Variants in HNF4G observed in about 807,000 individuals in gnomAD.
HNF4G encodes hepatocyte nuclear factor 4-gamma.
HNF4G carries 21 observed loss-of-function variants against 50.9 expected under a neutral mutation model. The observed-to-expected ratio is 0.41, with a 90% CI of 0.29 to 0.59. HNF4G has a LOEUF of 0.59. Among genes scored for constraint, HNF4G ranks in the 20% least tolerant of loss-of-function variants. The probability of loss-of-function intolerance (pLI) is 0.26; values close to 1 mark genes in which losing one functional copy is unlikely to be tolerated. For synonymous variants in HNF4G, 198 were observed against 185.6 expected, an observed-to-expected ratio of 1.07 and a Z score of -0.54; for missense variants, 527 against 559.4, an observed-to-expected ratio of 0.94 and a Z score of 0.58.
In HNF4G at chr8:75,450,485, T is replaced by C. The variant is rs560162513; in HGVS notation, c.-143-39604T>C. 5.9e-5 allele frequency among the ~76,000 whole-genome samples: 9 copies of C among 152,340 alleles called. No individual in the cohort carries two copies. In the South Asian group the frequency reaches 8.3e-4, roughly 14 times the overall value. ...AGATTGCTGGATCATATGGTAGTTC[T>C]ATTTTTAATTTTTTGAGGAAACTCC... On this transcript the variant is annotated intron_variant, in intron 1 of 10. Transcript: ENST00000354370.
At chr8:75,412,195 T>A (rs964301394) in intron 1 of HNF4G, among the ~76,000 whole-genome samples, 1 of 152,236 alleles carries the variant, frequency 6.6e-6, no homozygotes, top group Non-Finnish European at 1.5e-5. Context: ...TCTAATTTCT[T>A]GGAGCTTTCA....
At chr8:75,436,405 T>G (rs1563505606) in intron 1 of HNF4G, among the ~76,000 whole-genome samples, 1 of 152,216 alleles carries the variant, frequency 6.6e-6, no homozygotes, top group African/African-American at 2.4e-5. Context: ...TTAAATCTAT[T>G]ATAATTATTA....
intron 2 of HNF4G, chr8:75,495,471 T>C (rs1192668427): frequency 1.3e-5 from 2 of 152,148 alleles, no homozygotes; most frequent in Non-Finnish European, 2.9e-5. Flanking sequence ...GCCTGAGCAT[T>C]CTGTCAACTT....
intron 1 of HNF4G, among the ~76,000 whole-genome samples, chr8:75,482,559 G>A (rs1451371879): frequency 6.6e-6 from 1 of 152,090 alleles, no homozygotes; most frequent in Admixed American, 6.6e-5. Flanking sequence ...ATAGAGATGG[G>A]GTTTCACCAT....
intron 2 of HNF4G, among the ~76,000 whole-genome samples, chr8:75,516,949 T>G (rs2941420): frequency 0.43 from 65,760 of 151,920 alleles, 14,747 homozygotes; most frequent in Middle Eastern, 0.58. Flanking sequence ...ACTGGGTAAC[T>G]TATAAAGAAA....
At chr8:75,508,368 T>C (rs1381025824) in intron 2 of HNF4G, among the ~76,000 whole-genome samples, 1 of 147,784 alleles carries the variant, frequency 6.8e-6, no homozygotes, top group Admixed American at 6.7e-5. Context: ...AAGCATTTAC[T>C]TAAAAAAAAA....
intron 1 of HNF4G, among the ~76,000 whole-genome samples, chr8:75,462,200 A>G (rs1811871187): frequency 6.6e-6 from 1 of 152,178 alleles, no homozygotes; most frequent in African/African-American, 2.4e-5. Context: ...TACAGGTGTG[A>G]GCCACTGCGA....
chr8:75,528,482 T>A (rs907983875), intron 2 of HNF4G, among the ~76,000 whole-genome samples: 1 of 152,196 alleles, frequency 6.6e-6, no homozygotes, highest in Non-Finnish European at 1.5e-5. Context: ...ATAAAAGGCA[T>A]TTTTAGTACT....
chr8:75,560,956 A>T (rs904943678), intron 9 of HNF4G, among the ~76,000 whole-genome samples: 1 of 152,170 alleles, frequency 6.6e-6, no homozygotes, highest in Non-Finnish European at 1.5e-5. Context: ...TAATTAAAAC[A>T]TTAGGAATAT....
chr8:75,427,585 A>T (rs1810917924), intron 1 of HNF4G, among the ~76,000 whole-genome samples: 5 of 151,924 alleles, frequency 3.3e-5, no homozygotes, highest in Non-Finnish European at 7.4e-5. Flanking sequence ...TCAAAAAAAA[A>T]TAAAATAAAT....
intron 1 of HNF4G, among the ~76,000 whole-genome samples, chr8:75,439,379 G>A (rs1811219553): frequency 6.6e-6 from 1 of 151,854 alleles, no homozygotes; most frequent in African/African-American, 2.4e-5. Flanking sequence ...AAATTCCAAA[G>A]TACTCTATCA....
Position 75,564,305 on chromosome 8 carries a change from T to A in HNF4G, c.*209T>A. 2.0e-6 allele frequency: 1 copy of A among 500,084 alleles called. No individual in the cohort carries two copies. Among genetic ancestry groups the A allele is most frequent in the South Asian group, 2.9e-5 (1 of 34,742 alleles). The allele number at this position is 500,084 out of a possible 1,614,324, so 31.0% of individuals were successfully genotyped here. ...CACATGCAACCAATGTATATCTGAG[T>A]TTGAAGATGTTTATATAGGGTATTT... is the stretch of plus-strand genomic sequence containing the variant. On this transcript the variant is annotated 3_prime_UTR_variant, in exon 10 of 10. Coordinates refer to ENST00000396423, the MANE Select transcript of HNF4G (RefSeq NM_004133.5).
At chr8:75,448,492 A>G in intron 1 of HNF4G, among the ~76,000 whole-genome samples, 1 of 150,406 alleles carries the variant, frequency 6.6e-6, no homozygotes, top group East Asian at 1.9e-4. Flanking sequence ...CTCTTTAAAA[A>G]AAAAAAAAAA....
At chr8:75,518,721 C>T (rs1220908629) in intron 2 of HNF4G, among the ~76,000 whole-genome samples, 1 of 152,050 alleles carries the variant, frequency 6.6e-6, no homozygotes. Context: ...GCCGCAAGGC[C>T]CTGGACCTGG....
chr8:75,413,288 G>A (rs1810544825), intron 1 of HNF4G, among the ~76,000 whole-genome samples: 1 of 141,384 alleles, frequency 7.1e-6, no homozygotes, highest in East Asian at 2.2e-4. Flanking sequence ...AGGGAGAGGA[G>A]AGGAGGACAG....
chr8:75,448,632 G>T (rs975883137), intron 1 of HNF4G, among the ~76,000 whole-genome samples: 1 of 151,676 alleles, frequency 6.6e-6, no homozygotes, highest in South Asian at 2.1e-4. Context: ...GATAAGTACT[G>T]CTGGATACTG....
intron 1 of HNF4G, among the ~76,000 whole-genome samples, chr8:75,443,509 T>C (rs1811339305): frequency 6.6e-6 from 1 of 152,168 alleles, no homozygotes; most frequent in African/African-American, 2.4e-5. Context: ...TCTATAAAAT[T>C]TAAAGTATTC....
At chr8:75,478,128 AT>A (rs1380330356) in intron 1 of HNF4G, among the ~76,000 whole-genome samples, 1 of 152,012 alleles carries the variant, frequency 6.6e-6, no homozygotes, top group Non-Finnish European at 1.5e-5. Flanking sequence ...CCTGGGCAAC[AT>A]GGCGGAACCC....
chr8:75,463,067 T>G (rs1177288818), intron 1 of HNF4G, among the ~76,000 whole-genome samples: 1 of 112,310 alleles, frequency 8.9e-6, no homozygotes, highest in Non-Finnish European at 1.8e-5. Flanking sequence ...TGTTTTTTTG[T>G]TTTTTTTTTT....
Sources: allele counts gnomAD v4.1 joint callset (sites outside exome capture counted in the v4.1 genomes callset), GRCh38; gene constraint gnomAD v4.1.1; transcripts MANE v1.5; gene names NCBI Gene and HGNC (gene_info 2026-07-23, HGNC 2026-07-21).